Variants in IL27 observed in about 807,000 individuals in gnomAD.
The protein encoded by IL27 is interleukin-27 subunit alpha.
In IL27, 11 loss-of-function variants were observed where a neutral mutation model predicts 27.0. That is an observed-to-expected ratio of 0.41 (90% confidence interval 0.26 to 0.67). The LOEUF (loss-of-function observed/expected upper bound fraction) is 0.67. IL27 is among the 30% of genes least tolerant of loss of function. The probability of loss-of-function intolerance (pLI) is 0.34; values close to 1 mark genes in which losing one functional copy is unlikely to be tolerated. For synonymous variants in IL27, 134 were observed against 140.6 expected, an observed-to-expected ratio of 0.95 and a Z score of 0.33; for missense variants, 299 against 310.4, an observed-to-expected ratio of 0.96 and a Z score of 0.28.
chr16:28,499,885 C>G lies in IL27; in HGVS notation c.498G>C (p.Glu166Asp), dbSNP rs147413292. ...CCTCCTCCTCCTCCTCTTCCTCCTCCTCCTCCTCCGGGAGGTTGAATCCTG... is the reference window on the plus strand; with the variant it reads ...CCTCCTCCTCCTCCTCTTCCTCCTCGTCCTCCTCCGGGAGGTTGAATCCTG... ...LAAGFNLPEE[E>D]EEEEEEEEEE... Residue 166 changes from glutamate (E) to aspartate (D), a missense_variant, in exon 5 of 5, where the codon GAG (glutamate) becomes GAC (aspartate). Glu to Asp is a conservative substitution (Grantham distance 45, BLOSUM62 2). Coordinates refer to ENST00000356897, the MANE Select transcript of IL27 (RefSeq NM_145659.3). 0.058 allele frequency: 89,459 copies of G among 1,552,614 alleles called. 2,887 individuals are homozygous for G. Among genetic ancestry groups the G allele is most frequent in the Non-Finnish European group, 0.064 (73,625 of 1,147,458 alleles).
Position 28,502,039 on chromosome 16 carries a change from C to T in IL27, c.399G>A (p.Glu133=), listed in dbSNP as rs2046435266. The T allele has an allele frequency of 6.2e-7, 1 of 1,613,400 alleles. No individual in the cohort carries two copies. Among genetic ancestry groups the T allele is most frequent in the Non-Finnish European group, 8.5e-7 (1 of 1,179,974 alleles). ...GCCTCATGGCCCACAGCTGCATCCTCTCCATGTTGGTCCAGCGGCCCTGGG... is the reference window on the plus strand; with the variant it reads ...GCCTCATGGCCCACAGCTGCATCCTTTCCATGTTGGTCCAGCGGCCCTGGG... The part of the protein sequence containing the change: ...LGTQGRWTNM[E]RMQLWAMRLD... The change falls in exon 4 of 5, where the codon GAG becomes GAA. Residue 133 remains glutamate, a synonymous_variant. Coordinates refer to ENST00000356897, the MANE Select transcript of IL27 (RefSeq NM_145659.3).
At chr16:28,500,487 C>A (rs2046424012) in intron 4 of IL27, among the ~76,000 whole-genome samples, 1 of 152,018 alleles carries the variant, frequency 6.6e-6, no homozygotes, top group Non-Finnish European at 1.5e-5. Flanking sequence ...GTTGGCCAGG[C>A]TGGTCTCGAA....
At chr16:28,506,202 A>T (rs1302847247) in intron 1 of IL27, among the ~76,000 whole-genome samples, 1 of 152,034 alleles carries the variant, frequency 6.6e-6, no homozygotes, top group East Asian at 1.9e-4. Flanking sequence ...CTGGCCTTTG[A>T]AGGCTCTGTC....
intron 1 of IL27, among the ~76,000 whole-genome samples, chr16:28,504,687 T>G (rs1295543127): frequency 1.3e-5 from 2 of 151,890 alleles, no homozygotes; most frequent in Non-Finnish European, 2.9e-5. Flanking sequence ...TAGGCTCAAG[T>G]GATCCTCTCG....
intron 4 of IL27, among the ~76,000 whole-genome samples, 192 bp downstream of exon 4, chr16:28,501,781 ACAC>A (rs2046432811): frequency 6.6e-6 from 1 of 151,568 alleles, no homozygotes; most frequent in African/African-American, 2.4e-5. Context: ...TCATGGACCC[ACAC>A]AGTCACACTC....
chr16:28,503,309 C>A (rs1375643212), intron 3 of IL27, among the ~76,000 whole-genome samples: 4 of 152,034 alleles, frequency 2.6e-5, no homozygotes, highest in African/African-American at 9.7e-5. Flanking sequence ...ATCCTGGAGT[C>A]CAGGATCATA....
Position 28,499,756 on chromosome 16 carries a change from G to C in IL27, c.627C>G (p.Ser209=). 6.2e-7 allele frequency: 1 copy of C among 1,613,276 alleles called. No homozygotes were observed. The highest frequency in any genetic ancestry group is 8.5e-7 in the Non-Finnish European group (1 of 1,179,720). ...QLLSTYRLLH[S]LELVLSRAVR... is the part of the protein sequence containing the mutation. Reference sequence around the variant, plus strand: ...CGGCCCGAGATAAGACGAGCTCCAAGGAGTGCAGCAGGCGGTAGGTGGAGA... The same window carrying C: ...CGGCCCGAGATAAGACGAGCTCCAACGAGTGCAGCAGGCGGTAGGTGGAGA... The change falls in exon 5 of 5, where the codon TCC becomes TCG. Residue 209 remains serine (S), a synonymous_variant. Coordinates refer to ENST00000356897, the MANE Select transcript of IL27 (RefSeq NM_145659.3).
At position 28,499,552 on chromosome 16, in the gene IL27, TC is replaced by T; in HGVS notation, c.*98del. 1 of 926,332 alleles carries T rather than the reference TC, an allele frequency of 1.1e-6. No individual in the cohort carries two copies. Among genetic ancestry groups the T allele is most frequent in the Non-Finnish European group, 1.6e-6 (1 of 610,612 alleles). 57.4% of individuals were successfully genotyped at this position (926,332 alleles called of 1,614,324 possible). ...CTGGGGCAGGGGGCTGGAAGAGCCC[TC>T]CCTTGTCCAAGGCTGATGATGCGAA... is the stretch of plus-strand genomic sequence containing the variant. On this transcript the variant is annotated 3_prime_UTR_variant, in exon 5 of 5. Transcript: ENST00000356897.
At position 28,501,555 on chromosome 16, in the gene IL27, G is replaced by GC. The variant is rs375765377; in HGVS notation, c.462+420dup. Among the ~76,000 whole-genome samples, 395 of 108,842 alleles carry GC rather than the reference G, an allele frequency of 3.6e-3. 1 individual carries two copies. The highest frequency in any genetic ancestry group is 9.3e-3 in the South Asian group (34 of 3,660). The allele number at this position is 108,842 out of a possible 152,430, so 71.4% of individuals were successfully genotyped here. A position where few individuals can be genotyped will look rare whatever the true frequency, so the allele number is the denominator to read the frequency against. ...ACACAGTCATGCTCACACTCATACAGCCCCCCCACACACACACTCACAGTC... is the reference window on the plus strand; with the variant it reads ...ACACAGTCATGCTCACACTCATACAGCCCCCCCCACACACACACTCACAGTC... On this transcript the variant is annotated intron_variant, in intron 4 of 4. Transcript: ENST00000356897.
chr16:28,499,876 T>TTCCTCC lies in IL27; in HGVS notation c.501_506dup (p.Glu175_Glu176dup), dbSNP rs763420121. Reference sequence around the variant, plus strand: ...TCCTCTCCTCCTCCTCCTCCTCCTCTTCCTCCTCCTCCTCCTCCGGGAGGT... The same window carrying TTCCTCC: ...TCCTCTCCTCCTCCTCCTCCTCCTCTTCCTCCTCCTCCTCCTCCTCCTCCGGGAGGT... On this transcript the variant is annotated inframe_insertion, in exon 5 of 5. Transcript: ENST00000356897. The TTCCTCC allele has an allele frequency of 2.6e-6, 4 of 1,546,572 alleles. No individual in the cohort carries two copies. Among genetic ancestry groups the TTCCTCC allele is most frequent in the South Asian group, 2.4e-5 (2 of 83,790 alleles).
rs2046419768 is a variant in IL27 at position 28,499,753 on chromosome 16, C to A, written c.630G>T (p.Leu210Phe). 4 of 1,613,200 alleles carry A rather than the reference C, an allele frequency of 2.5e-6. No homozygotes were observed. Among genetic ancestry groups the A allele is most frequent in the Non-Finnish European group, 2.5e-6 (3 of 1,179,736 alleles). ...LLSTYRLLHS[L>F]ELVLSRAVRE... ...GCACGGCCCGAGATAAGACGAGCTC[C>A]AAGGAGTGCAGCAGGCGGTAGGTGG... Residue 210 changes from leucine to phenylalanine, a missense_variant, in exon 5 of 5, where the codon TTG (leucine) becomes TTT (phenylalanine). Leu to Phe is a conservative substitution (Grantham distance 22). Coordinates refer to ENST00000356897, the MANE Select transcript of IL27 (RefSeq NM_145659.3).
intron 1 of IL27, among the ~76,000 whole-genome samples, chr16:28,505,250 AG>A (rs2046454835): frequency 2.0e-5 from 3 of 152,196 alleles, no homozygotes; most frequent in African/African-American, 2.4e-5. Context: ...GCTCTATTCC[AG>A]GGAGTCAAAA....
chr16:28,504,946 C>A (rs1251306281), intron 1 of IL27, among the ~76,000 whole-genome samples: 2 of 152,232 alleles, frequency 1.3e-5, no homozygotes, highest in Non-Finnish European at 2.9e-5. Context: ...GAGCAACCTG[C>A]ACAACCACGT....
chr16:28,502,055 C>T lies in IL27; in HGVS notation c.383G>A (p.Arg128His), dbSNP rs144797498. The change falls in exon 4 of 5, where the codon CGC becomes CAC. Residue 128 changes from arginine (R) to histidine (H), a missense_variant. Physicochemically the swap from Arg to His is conservative, Grantham distance 29 (BLOSUM62 0). Coordinates refer to ENST00000356897, the MANE Select transcript of IL27 (RefSeq NM_145659.3). Reference protein sequence around the residue: ...ALLGGLGTQGRWTNMERMQLW... With the variant: ...ALLGGLGTQGHWTNMERMQLW... ...CTGCATCCTCTCCATGTTGGTCCAG[C>T]GGCCCTGGGTCCCCAGCCCTCCCAG... The T allele has an allele frequency of 1.7e-5, 27 of 1,613,414 alleles. No individual in the cohort carries two copies. Among genetic ancestry groups the T allele is most frequent in the Middle Eastern group, 1.7e-4 (1 of 5,988 alleles).
At position 28,502,181 on chromosome 16, in the gene IL27, G is replaced by T. The variant is rs1044635790; in HGVS notation, c.304-47C>A. 11 of 1,513,078 alleles carry T rather than the reference G, an allele frequency of 7.3e-6. No homozygotes were observed. In the African/African-American group the frequency reaches 1.5e-4, roughly 21 times the overall value. 93.7% of individuals were successfully genotyped at this position (1,513,078 alleles called of 1,614,324 possible). On this transcript the variant is annotated intron_variant, in intron 3 of 4. Coordinates refer to ENST00000356897, the MANE Select transcript of IL27 (RefSeq NM_145659.3). The stretch of plus-strand genomic sequence containing the variant: ...AGGAAAGGTCCACAGGCCAAGGATG[G>T]CCATATCACACCCACCCCCTCCCTA...
At chr16:28,503,028 G>A (rs2046441451) in intron 3 of IL27, among the ~76,000 whole-genome samples, 1 of 152,078 alleles carries the variant, frequency 6.6e-6, no homozygotes, top group Admixed American at 6.6e-5. Context: ...CTTCATGTTG[G>A]TCAGGCTGGT....
chr16:28,503,642 C>T (rs1031574027), intron 3 of IL27, 53 bp downstream of exon 3: 5 of 1,371,312 alleles, frequency 3.6e-6, no homozygotes, highest in Non-Finnish European at 5.1e-6. Flanking sequence ...ATCTTGCACC[C>T]TGGCCCCAGC....
chr16:28,501,459 C>T (rs560425755), intron 4 of IL27, among the ~76,000 whole-genome samples: 1 of 150,994 alleles, frequency 6.6e-6, no homozygotes, highest in African/African-American at 2.4e-5. Context: ...CACACTCACA[C>T]ACTCACAGCC....
chr16:28,506,611 C>CA (rs1443237470), intron 1 of IL27, among the ~76,000 whole-genome samples, 170 bp downstream of exon 1: 1 of 152,114 alleles, frequency 6.6e-6, no homozygotes, highest in African/African-American at 2.4e-5. Flanking sequence ...CCCACTGCCC[C>CA]AGGCCCCCAC....
Sources: allele counts gnomAD v4.1 joint callset (sites outside exome capture counted in the v4.1 genomes callset), GRCh38; gene constraint gnomAD v4.1.1; transcripts MANE v1.5; gene names NCBI Gene and HGNC (gene_info 2026-07-23, HGNC 2026-07-21).